The following DNAH9 variants were observed in gnomAD, a reference collection of about 807,000 sequenced individuals.
The protein encoded by DNAH9 is dynein axonemal heavy chain 9, also known as DNAH9 variant protein.
In DNAH9, 345 loss-of-function variants were observed where a neutral mutation model predicts 471.6. The ratio of observed to expected loss-of-function variants is 0.73; its 90% CI spans 0.67 to 0.80. The LOEUF (loss-of-function observed/expected upper bound fraction) is 0.80, where lower values mean the gene tolerates loss of function less well. DNAH9 is among the 30% of genes least tolerant of loss of function. The pLI is 0.00. For missense variants in DNAH9, 5,407 were observed against 5,609.2 expected, an observed-to-expected ratio of 0.96 and a Z score of 1.15; for synonymous variants, 2,093 against 2,123.6, an observed-to-expected ratio of 0.99 and a Z score of 0.40.
At chr17:11,776,275 G>A (rs1457897940) in intron 38 of DNAH9, among the ~76,000 whole-genome samples, 1 of 151,212 alleles carries the variant, frequency 6.6e-6, no homozygotes, top group Non-Finnish European at 1.5e-5. Flanking sequence ...TGATATCAAT[G>A]TTAAGATATT....
At chr17:11,779,100 A>G (rs1968574284) in intron 38 of DNAH9, among the ~76,000 whole-genome samples, 3 of 152,190 alleles carry the variant, frequency 2.0e-5, no homozygotes, top group African/African-American at 7.2e-5. Flanking sequence ...GCAGCAGCTG[A>G]CACGGGTCTG....
intron 33 of DNAH9, among the ~76,000 whole-genome samples, chr17:11,756,072 C>T (rs1030035440): frequency 4.6e-5 from 7 of 152,052 alleles, no homozygotes; most frequent in African/African-American, 1.2e-4. Flanking sequence ...GTCAGGAGAT[C>T]AAGACCATCC....
At chr17:11,813,636 A>G (rs1969997818) in intron 45 of DNAH9, among the ~76,000 whole-genome samples, 1 of 152,214 alleles carries the variant, frequency 6.6e-6, no homozygotes, top group Admixed American at 6.5e-5. Context: ...TTCTCTCCCA[A>G]AAACATCTCC....
chr17:11,805,823 G>A (rs1177548802), intron 43 of DNAH9, among the ~76,000 whole-genome samples: 2 of 152,036 alleles, frequency 1.3e-5, no homozygotes, highest in Non-Finnish European at 2.9e-5. Context: ...AAAGTGCTGG[G>A]ATTACAGGCA....
At chr17:11,951,170 C>A (rs1037239694) in intron 67 of DNAH9, among the ~76,000 whole-genome samples, 2 of 152,058 alleles carry the variant, frequency 1.3e-5, no homozygotes, top group Non-Finnish European at 2.9e-5. Context: ...ATTTTATAAC[C>A]ATGGAAGTTA....
rs76929884 is a variant in DNAH9, at chr17:11,774,823, A to G, written c.7552+5494A>G. Among the ~76,000 whole-genome samples, 1,312 of 152,164 alleles carry G rather than the reference A, an allele frequency of 8.6e-3. 18 individuals carry two copies. Among genetic ancestry groups the G allele is most frequent in the African/African-American group, 0.031 (1,269 of 41,546 alleles). On this transcript the variant is annotated intron_variant, in intron 38 of 68. Coordinates refer to ENST00000262442, the MANE Select transcript of DNAH9 (RefSeq NM_001372.4). ...ATCCTTTCTCCTACTGAAAGGCAGC[A>G]TAATCTTTTTACATTTTTTCTTTTC... is the stretch of plus-strand genomic sequence containing the variant.
intron 50 of DNAH9, among the ~76,000 whole-genome samples, chr17:11,856,662 G>A (rs1398578381): frequency 1.3e-5 from 2 of 151,720 alleles, no homozygotes; most frequent in African/African-American, 4.9e-5. Context: ...GCCAAGATCA[G>A]GCCACTGCAC....
chr17:11,749,197 G>C lies in DNAH9; in HGVS notation c.6610+1431G>C, dbSNP rs1967046468. ...CCTCCCAGGTTCACGCCATTCTTCT[G>C]CCTCAGCCTCCCGAGTAGCTGGGAC... On this transcript the variant is annotated intron_variant, in intron 32 of 68. Transcript: ENST00000262442. 1.3e-5 allele frequency among the ~76,000 whole-genome samples: 2 copies of C among 149,168 alleles called. 1 individual carries two copies. Among genetic ancestry groups the C allele is most frequent in the South Asian group, 4.2e-4 (2 of 4,710 alleles).
intron 67 of DNAH9, among the ~76,000 whole-genome samples, chr17:11,952,139 C>CTTT (rs71142258): frequency 7.8e-5 from 8 of 101,972 alleles, no homozygotes; most frequent in African/African-American, 2.7e-4. Context: ...AGCTATATTA[C>CTTT]TTTTTTTTTT....
chr17:11,752,398 C>T (rs1050603173), intron 32 of DNAH9, among the ~76,000 whole-genome samples: 2 of 152,196 alleles, frequency 1.3e-5, no homozygotes, highest in Non-Finnish European at 2.9e-5. Context: ...AAAAGTTAGA[C>T]TAAAGCACAG....
chr17:11,753,985 G>T (rs936861885), intron 33 of DNAH9, among the ~76,000 whole-genome samples: 8 of 151,996 alleles, frequency 5.3e-5, no homozygotes, highest in Non-Finnish European at 1.2e-4. Flanking sequence ...CCTCAAGGGG[G>T]CTCCAGTGTC....
In DNAH9 at chr17:11,962,275, C is replaced by A; in HGVS notation, c.13233+19C>A. On this transcript the variant is annotated intron_variant, in intron 68 of 68. Transcript: ENST00000262442. The surrounding 1 kb of genome is among the most constrained non-coding windows in gnomAD (Gnocchi z 4.1). ...CACACAGGTAAAGCTTGGAATGAACCAAAGGGCAGCTTTCTGGGGGCTGAT... is the reference window on the plus strand; with the variant it reads ...CACACAGGTAAAGCTTGGAATGAACAAAAGGGCAGCTTTCTGGGGGCTGAT... 1.3e-6 allele frequency: 2 copies of A among 1,562,450 alleles called. No homozygotes were observed. The highest frequency in any genetic ancestry group is 1.2e-5 in the South Asian group (1 of 85,046).
intron 66 of DNAH9, among the ~76,000 whole-genome samples, chr17:11,941,374 C>T (rs965749859): frequency 2.6e-5 from 4 of 152,152 alleles, no homozygotes; most frequent in Non-Finnish European, 5.9e-5. Context: ...GCTGTGTGGT[C>T]TATTATGTCT....
chr17:11,823,769 A>C (rs934394098), intron 48 of DNAH9, among the ~76,000 whole-genome samples: 1 of 152,034 alleles, frequency 6.6e-6, no homozygotes, highest in Non-Finnish European at 1.5e-5. Context: ...ATCTCTACTA[A>C]AAATACAAAA....
chr17:11,708,552 T>C (rs568045559), intron 26 of DNAH9, among the ~76,000 whole-genome samples: 15 of 151,970 alleles, frequency 9.9e-5, no homozygotes, highest in Non-Finnish European at 1.9e-4. Context: ...TCTTAACAGG[T>C]GTTACTTGGG....
chr17:11,912,220 A>T (rs1973815519), intron 61 of DNAH9, among the ~76,000 whole-genome samples: 2 of 152,022 alleles, frequency 1.3e-5, no homozygotes, highest in Admixed American at 1.3e-4. Context: ...GGGTTTCACC[A>T]TGTTGGCAGG....
In DNAH9 at chr17:11,961,904, A is replaced by G; in HGVS notation, c.12881A>G (p.Gln4294Arg). The change falls in exon 68 of 69, where the codon CAG (glutamine) becomes CGG (arginine). Residue 4294 changes from glutamine (Q) to arginine (R), a missense_variant. Around this residue, in one of 3 missense-constraint regions of DNAH9, gnomAD observed 4,636 missense variants for 4,900.3 expected, o/e 0.95. Transcript: ENST00000262442. ...ATGACCAGCCACATGGAGAACTTAC[A>G]GAATGCCCTGTACTTCGATATGGTG... ...LTMTSHMENL[Q>R]NALYFDMVPE... is the part of the protein sequence containing the mutation. 1 of 1,613,176 alleles carries G rather than the reference A, an allele frequency of 6.2e-7. No individual in the cohort carries two copies. The highest frequency in any genetic ancestry group is 8.5e-7 in the Non-Finnish European group (1 of 1,179,558).
At chr17:11,780,074 A>G (rs1160195404) in intron 38 of DNAH9, among the ~76,000 whole-genome samples, 1 of 152,236 alleles carries the variant, frequency 6.6e-6, no homozygotes, top group Non-Finnish European at 1.5e-5. Flanking sequence ...GAAAAAGTAC[A>G]GATATCTCCA....
chr17:11,934,101 G>C, intron 65 of DNAH9, 30 bp downstream of exon 65: 1 of 1,596,492 alleles, frequency 6.3e-7, no homozygotes, highest in Non-Finnish European at 8.5e-7. Flanking sequence ...TTCTGATGTC[G>C]TGAGGGTGCT....
Sources: allele counts gnomAD v4.1 joint callset (sites outside exome capture counted in the v4.1 genomes callset), GRCh38; gene constraint gnomAD v4.1.1; regional missense constraint gnomAD v4.1.1; non-coding constraint Gnocchi (gnomAD v3.1); transcripts MANE v1.5; gene names NCBI Gene and HGNC (gene_info 2026-07-23, HGNC 2026-07-21).